Variants in ATG16L1 observed in about 807,000 individuals in gnomAD.
ATG16L1 encodes autophagy related 16 like 1.
ATG16L1 carries 37 observed loss-of-function variants against 88.5 expected under a neutral mutation model. The observed-to-expected ratio is 0.42, with a 90% CI of 0.32 to 0.55. The LOEUF is 0.55. Ranked by LOEUF, ATG16L1 falls within the 20% of genes least tolerant of loss-of-function variation. The pLI is 0.13. For missense variants in ATG16L1, 554 were observed against 752.8 expected, an observed-to-expected ratio of 0.74 and a Z score of 3.09; for synonymous variants, 301 against 281.0, an observed-to-expected ratio of 1.07 and a Z score of -0.71.
chr2:233,273,461 A>G (rs755358383), intron 7 of ATG16L1: 26 of 531,700 alleles, frequency 4.9e-5, no homozygotes, highest in Non-Finnish European at 7.6e-5. Context: ...TTGTGAGGTT[A>G]GTTGTCTAAT....
At chr2:233,289,640 C>T (rs1699326183) in intron 12 of ATG16L1, among the ~76,000 whole-genome samples, 1 of 152,202 alleles carries the variant, frequency 6.6e-6, no homozygotes, top group Admixed American at 6.5e-5. Flanking sequence ...AGTCCTCACA[C>T]CTTGGCCTCC....
At chr2:233,283,632 C>T (rs1698870562) in intron 12 of ATG16L1, among the ~76,000 whole-genome samples, 1 of 151,632 alleles carries the variant, frequency 6.6e-6, no homozygotes, top group African/African-American at 2.4e-5. Flanking sequence ...CTCACTGCAA[C>T]CTCCGCCTTC....
chr2:233,293,481 C>T, intron 17 of ATG16L1, 124 bp downstream of exon 17: 2 of 851,562 alleles, frequency 2.3e-6, no homozygotes, highest in Non-Finnish European at 3.9e-6. Context: ...ACCTGCTCGG[C>T]TGGCTGAGCT....
At chr2:233,282,328 G>T (rs1698772390) in intron 11 of ATG16L1, among the ~76,000 whole-genome samples, 2 of 152,144 alleles carry the variant, frequency 1.3e-5, no homozygotes, top group South Asian at 4.1e-4. Flanking sequence ...GTGAGAGTTG[G>T]GAGATTAGGC....
At position 233,274,703 on chromosome 2, in the gene ATG16L1, C is replaced by T; in HGVS notation, c.879C>T (p.Val293=). The T allele has an allele frequency of 6.2e-7, 1 of 1,611,270 alleles. No homozygotes were observed. The highest frequency in any genetic ancestry group is 8.5e-7 in the Non-Finnish European group (1 of 1,177,590). Residue 293 remains valine, a synonymous_variant, in exon 9 of 18, where the codon GTC becomes GTT. Transcript: ENST00000392017. The part of the protein sequence containing the change: ...FGRRSVSSFP[V]PQDNVDTHPG... ...GACGCTCTGTCTCTTCCTTCCCAGTCCCCCAGGACAATGTGGATACTCATC... is the reference window on the plus strand; with the variant it reads ...GACGCTCTGTCTCTTCCTTCCCAGTTCCCCAGGACAATGTGGATACTCATC...
chr2:233,287,592 G>A (rs1213601208), intron 12 of ATG16L1, among the ~76,000 whole-genome samples: 1 of 152,230 alleles, frequency 6.6e-6, no homozygotes, highest in Non-Finnish European at 1.5e-5. Context: ...AGAATTTAAT[G>A]TAAGGCCGGG....
intron 10 of ATG16L1, among the ~76,000 whole-genome samples, chr2:233,279,740 T>C (rs1698602316): frequency 6.6e-6 from 1 of 152,186 alleles, no homozygotes; most frequent in Non-Finnish European, 1.5e-5. Context: ...ACAAATGCTG[T>C]TGACATAGCA....
intron 1 of ATG16L1, among the ~76,000 whole-genome samples, chr2:233,253,197 G>T (rs1292802199): frequency 6.6e-6 from 1 of 152,134 alleles, no homozygotes; most frequent in Non-Finnish European, 1.5e-5. Context: ...GTAAGTATTT[G>T]CATGTGTTAT....
intron 12 of ATG16L1, among the ~76,000 whole-genome samples, chr2:233,284,157 TC>T (rs1476803803): frequency 1.6e-4 from 1 of 6,074 alleles, no homozygotes; most frequent in Non-Finnish European, 3.1e-4. Context: ...ATTTCTTTTT[TC>T]TTTTTTTTTT....
intron 9 of ATG16L1, chr2:233,275,633 C>T (rs778575454): frequency 2.2e-5 from 10 of 464,522 alleles, no homozygotes; most frequent in African/African-American, 4.0e-5. Flanking sequence ...AAGAGAGTTC[C>T]GCTTTGGAGG....
Position 233,265,072 on chromosome 2 carries a change from G to C in ATG16L1, c.570G>C (p.Leu190=). 1 of 1,614,206 alleles carries C rather than the reference G, an allele frequency of 6.2e-7. No individual in the cohort carries two copies. The highest frequency in any genetic ancestry group is 1.1e-5 in the South Asian group (1 of 91,072). The part of the protein sequence containing the change: ...LRKTTEENQE[L]VTRWMAEKAQ... ...AAACTACGGAAGAGAACCAGGAGCT[G>C]GTCACCAGATGGATGGCTGAGAAAG... Residue 190 remains leucine (L), a synonymous_variant, in exon 5 of 18, where the codon CTG becomes CTC. Coordinates refer to ENST00000392017, the MANE Select transcript of ATG16L1 (RefSeq NM_030803.7).
chr2:233,271,807 A>C (rs1698017096), intron 6 of ATG16L1, among the ~76,000 whole-genome samples: 1 of 152,196 alleles, frequency 6.6e-6, no homozygotes, highest in Non-Finnish European at 1.5e-5. Flanking sequence ...TCTTCCTTGT[A>C]TGGGCACAGG....
chr2:233,270,185 C>A, intron 6 of ATG16L1, 118 bp downstream of exon 6: 2 of 824,352 alleles, frequency 2.4e-6, no homozygotes, highest in Non-Finnish European at 3.6e-6. Context: ...CTCTGTTGCC[C>A]AGGCTGGAGT....
rs186351886 is a variant in ATG16L1 at position 233,265,719 on chromosome 2, C to T, written c.641+576C>T. 1.2e-3 allele frequency among the ~76,000 whole-genome samples: 189 copies of T among 152,208 alleles called. 2 individuals are homozygous for T. The highest frequency in any genetic ancestry group is 6.8e-3 in the Middle Eastern group (2 of 294). Reference sequence around the variant, plus strand: ...TCCTGACCTCAGGATCCACCCGCCTCGGCCTCCCAAAGTGCTGGGATTAGA... The same window carrying T: ...TCCTGACCTCAGGATCCACCCGCCTTGGCCTCCCAAAGTGCTGGGATTAGA... On this transcript the variant is annotated intron_variant, in intron 5 of 17. Transcript: ENST00000392017.
intron 14 of ATG16L1, among the ~76,000 whole-genome samples, chr2:233,290,714 T>C (rs896811641): frequency 3.3e-5 from 5 of 152,176 alleles, no homozygotes; most frequent in African/African-American, 1.2e-4. Context: ...TGTTAAAGAA[T>C]GCCTCTCCAG....
rs1698691159 is a variant in ATG16L1, at chr2:233,281,100, T to C, written c.1061-5T>C. 2 of 1,580,188 alleles carry C rather than the reference T, an allele frequency of 1.3e-6. No homozygotes were observed. Among genetic ancestry groups the C allele is most frequent in the African/African-American group, 2.7e-5 (2 of 72,964 alleles). ...CCATCATCCTAATTTTTTCTTTTTA[T>C]ACAGAAAAATGTGAGTTCAAGGGTT... is the stretch of plus-strand genomic sequence containing the variant. On this transcript the variant is annotated splice_polypyrimidine_tract_variant and splice_region_variant and intron_variant, in intron 10 of 17. Coordinates refer to ENST00000392017, the MANE Select transcript of ATG16L1 (RefSeq NM_030803.7).
chr2:233,272,860 G>A (rs988457238), intron 6 of ATG16L1, 106 bp from the exon 7 acceptor site: 20 of 958,332 alleles, frequency 2.1e-5, no homozygotes, highest in Middle Eastern at 4.2e-4. Flanking sequence ...TGCTGTCATA[G>A]CCAAGTGGTT....
chr2:233,265,627 G>A (rs1221363871), intron 5 of ATG16L1, among the ~76,000 whole-genome samples: 6 of 151,958 alleles, frequency 3.9e-5, no homozygotes, highest in Non-Finnish European at 7.4e-5. Context: ...ACACCACCAC[G>A]CCTGGCTAAT....
intron 4 of ATG16L1, among the ~76,000 whole-genome samples, chr2:233,264,585 G>A (rs953941103): frequency 6.6e-6 from 1 of 152,162 alleles, no homozygotes; most frequent in Non-Finnish European, 1.5e-5. Context: ...GCTTGCTCAG[G>A]CTTTTGCTCA....
Sources: allele counts gnomAD v4.1 joint callset (sites outside exome capture counted in the v4.1 genomes callset), GRCh38; gene constraint gnomAD v4.1.1; transcripts MANE v1.5; gene names NCBI Gene and HGNC (gene_info 2026-07-23, HGNC 2026-07-21).